KSR2: variants seen among roughly 807,000 people sequenced by gnomAD.
The protein encoded by KSR2 is kinase suppressor of ras 2.
Under a neutral mutation model 107.8 loss-of-function variants are expected in KSR2, and 25 were observed. The ratio of observed to expected loss-of-function variants is 0.23; its 90% CI spans 0.17 to 0.32. KSR2 has a LOEUF of 0.32. Ranked by LOEUF, KSR2 falls within the 10% of genes least tolerant of loss-of-function variation. The pLI, the probability that KSR2 is intolerant of heterozygous loss-of-function variation, is 1.00. For missense variants in KSR2, 887 were observed against 1,268.9 expected (o/e 0.70, Z 4.57); for synonymous variants, 480 against 507.0 (o/e 0.95, Z 0.71).
chr12:117,792,199 T>A (rs1284157444), intron 3 of KSR2, among the ~76,000 whole-genome samples: 1 of 151,774 alleles, frequency 6.6e-6, no homozygotes, highest in Non-Finnish European at 1.5e-5. Flanking sequence ...ATAAAAATTA[T>A]CTGGGCATGG....
chr12:117,968,316 A>ACCACC lies in KSR2; in HGVS notation c.-62_-61insGGTGG. 7.6e-7 allele frequency: 1 copy of ACCACC among 1,313,196 alleles called. No individual in the cohort carries two copies. The highest frequency in any genetic ancestry group is 2.8e-5 in the East Asian group (1 of 35,828). 81.3% of individuals were successfully genotyped at this position (1,313,196 alleles called of 1,614,324 possible). A position where few individuals can be genotyped will look rare whatever the true frequency, so the allele number is the denominator to read the frequency against. ...CCCAGAGAGAAAAAAGAGGGGGGGG[A>ACCACC]GTAGAGGTAGTCTACCCTCCGCCTC... On this transcript the variant is annotated 5_prime_UTR_variant, in exon 1 of 20. Transcript: ENST00000339824.
At chr12:117,793,916 A>ACATGCACACACAC (rs1327345726) in intron 3 of KSR2, among the ~76,000 whole-genome samples, 1 of 139,488 alleles carries the variant, frequency 7.2e-6, no homozygotes, top group African/African-American at 2.8e-5. Flanking sequence ...ACTCACACCA[A>ACATGCACACACAC]CATGCACACA....
At position 117,532,993 on chromosome 12, in the gene KSR2, G is replaced by C. The variant is rs556083363; in HGVS notation, c.1688-1286C>G. On this transcript the variant is annotated intron_variant, in intron 10 of 19. Coordinates refer to ENST00000339824, the MANE Select transcript of KSR2 (RefSeq NM_173598.6). The stretch of plus-strand genomic sequence containing the variant: ...GCTGATCCTCTAGGGTCAAATCTTT[G>C]CTCTGCCCTTGGCTATTTGTAGAAG... Among the ~76,000 whole-genome samples the C allele has an allele frequency of 2.6e-5, 4 of 152,212 alleles. No homozygotes were observed. The South Asian group carries it at 6.2e-4, about 24-fold the overall frequency.
chr12:117,815,039 C>T (rs1891322943), intron 3 of KSR2, among the ~76,000 whole-genome samples: 1 of 152,146 alleles, frequency 6.6e-6, no homozygotes, highest in African/African-American at 2.4e-5. Flanking sequence ...TATGAACATT[C>T]TTAACCTCAC....
chr12:117,866,743 C>T (rs1395368006), intron 1 of KSR2, among the ~76,000 whole-genome samples: 4 of 151,954 alleles, frequency 2.6e-5, no homozygotes, highest in African/African-American at 9.7e-5. Context: ...GCACGAGAAT[C>T]GCTTGAACCC....
intron 4 of KSR2, among the ~76,000 whole-genome samples, chr12:117,739,166 T>A (rs1001238408): frequency 6.6e-6 from 1 of 152,076 alleles, no homozygotes; most frequent in Non-Finnish European, 1.5e-5. Flanking sequence ...CTATCCTGGC[T>A]GACACGGTGA....
rs374898916 is a variant in KSR2, at chr12:117,697,878, A to C, written c.987-30220T>G. 2.6e-5 allele frequency among the ~76,000 whole-genome samples: 4 copies of C among 152,244 alleles called. No individual in the cohort carries two copies. In the East Asian group the frequency reaches 7.7e-4, roughly 29 times the overall value. ...TGGAAATAGGGTCATTGCAGCTGTA[A>C]TTAGTTAAATTTAGATGAGTTCATA... On this transcript the variant is annotated intron_variant, in intron 4 of 19. Transcript: ENST00000339824.
At chr12:117,926,620 T>C (rs1464843841) in intron 1 of KSR2, among the ~76,000 whole-genome samples, 1 of 152,256 alleles carries the variant, frequency 6.6e-6, no homozygotes, top group East Asian at 1.9e-4. Flanking sequence ...TATGTTTGCA[T>C]GCATCCACAG....
chr12:117,936,517 A>AG (rs1186395198), intron 1 of KSR2, among the ~76,000 whole-genome samples: 182 of 44,906 alleles, frequency 4.1e-3, no homozygotes, highest in East Asian at 7.9e-3. Flanking sequence ...TTATTTTATT[A>AG]TTATTATTAT....
At chr12:117,751,161 G>C (rs950200923) in intron 4 of KSR2, among the ~76,000 whole-genome samples, 6 of 152,220 alleles carry the variant, frequency 3.9e-5, no homozygotes, top group Admixed American at 3.3e-4. Context: ...GTTTTATAAA[G>C]GGCTTTTCCC....
At chr12:117,700,221 G>A (rs1321952700) in intron 4 of KSR2, among the ~76,000 whole-genome samples, 1 of 152,106 alleles carries the variant, frequency 6.6e-6, no homozygotes, top group Middle Eastern at 3.2e-3. Flanking sequence ...TGTGGCCCAT[G>A]ACTGTATTGT....
At chr12:117,510,551 T>C (rs1462701652) in intron 14 of KSR2, among the ~76,000 whole-genome samples, 1 of 152,162 alleles carries the variant, frequency 6.6e-6, no homozygotes, top group African/African-American at 2.4e-5. Flanking sequence ...TCACCTCCAT[T>C]GAGTCCCTGT....
intron 1 of KSR2, among the ~76,000 whole-genome samples, chr12:117,867,655 G>A (rs1893519282): frequency 6.6e-6 from 1 of 152,180 alleles, no homozygotes; most frequent in Non-Finnish European, 1.5e-5. Context: ...GAGACTACAT[G>A]GTGCAGAGTC....
intron 4 of KSR2, among the ~76,000 whole-genome samples, chr12:117,728,842 C>T (rs1011440719): frequency 1.3e-5 from 2 of 152,102 alleles, no homozygotes; most frequent in African/African-American, 2.4e-5. Flanking sequence ...GCAAATGTGA[C>T]GAAGGGTTGA....
At chr12:117,649,541 T>A (rs936322434) in intron 5 of KSR2, among the ~76,000 whole-genome samples, 1 of 152,038 alleles carries the variant, frequency 6.6e-6, no homozygotes, top group African/African-American at 2.4e-5. Context: ...AATCAATCCA[T>A]GAGAAAGGGA....
intron 5 of KSR2, among the ~76,000 whole-genome samples, chr12:117,635,868 C>T (rs1344036849): frequency 2.6e-5 from 4 of 151,486 alleles, no homozygotes; most frequent in Non-Finnish European, 5.9e-5. Context: ...CTCAGCTCAC[C>T]GCAACCTCCA....
At chr12:117,638,516 G>GA (rs34243226) in intron 5 of KSR2, among the ~76,000 whole-genome samples, 71 of 142,836 alleles carry the variant, frequency 5.0e-4, no homozygotes, top group Middle Eastern at 3.5e-3. Context: ...AATATTCAGG[G>GA]AAAAAAAAAA....
At chr12:117,623,720 T>TTAA (rs1467135234) in intron 5 of KSR2, among the ~76,000 whole-genome samples, 5 of 152,240 alleles carry the variant, frequency 3.3e-5, no homozygotes, top group Non-Finnish European at 7.3e-5. Context: ...AGTAGCATGA[T>TTAA]TTATAATCCT....
chr12:117,710,809 C>T (rs1263843602), intron 4 of KSR2, among the ~76,000 whole-genome samples: 30 of 152,048 alleles, frequency 2.0e-4, no homozygotes, highest in Non-Finnish European at 4.4e-5. Context: ...TTCATAATTC[C>T]CTGGTGCACT....
Sources: allele counts gnomAD v4.1 joint callset (sites outside exome capture counted in the v4.1 genomes callset), GRCh38; gene constraint gnomAD v4.1.1; transcripts MANE v1.5; gene names NCBI Gene and HGNC (gene_info 2026-07-23, HGNC 2026-07-21).